Variants in DEGS2 observed in about 807,000 individuals in gnomAD.
The protein encoded by DEGS2 is delta 4-desaturase, sphingolipid 2.
Under a neutral mutation model 23.8 loss-of-function variants are expected in DEGS2, and 19 were observed. The ratio of observed to expected loss-of-function variants is 0.80; its 90% CI spans 0.56 to 1.17. The LOEUF is 1.17. DEGS2 is among the 50% of genes most tolerant of loss of function. The probability of loss-of-function intolerance (pLI) is 0.00; values close to 1 mark genes in which losing one functional copy is unlikely to be tolerated. For synonymous variants in DEGS2, 218 were observed against 213.7 expected, an observed-to-expected ratio of 1.02 and a Z score of -0.18; for missense variants, 390 against 459.5, an observed-to-expected ratio of 0.85 and a Z score of 1.38.
At chr14:100,147,018 TACGA>T (rs763160254) in intron 2 of DEGS2, 111 bp from the exon 3 acceptor site, 3 of 1,325,788 alleles carry the variant, frequency 2.3e-6, no homozygotes, top group Non-Finnish European at 3.1e-6. Context: ...CATATTCATG[TACGA>T]ACATGTTTGC....
chr14:100,152,277 TGGAGATGCCAG>T (rs1889584810), intron 1 of DEGS2, among the ~76,000 whole-genome samples: 1 of 148,972 alleles, frequency 6.7e-6, no homozygotes, highest in South Asian at 2.1e-4. Context: ...GTGGGCGTCA[TGGAGATGCCAG>T]GGTGGGCGTC....
At chr14:100,158,918 T>A (rs1160903652) in intron 1 of DEGS2, among the ~76,000 whole-genome samples, 1 of 152,240 alleles carries the variant, frequency 6.6e-6, no homozygotes, top group Non-Finnish European at 1.5e-5. Flanking sequence ...AGCCACCACG[T>A]AATAAGCGAC....
intron 1 of DEGS2, among the ~76,000 whole-genome samples, chr14:100,151,838 G>A (rs1240961860): frequency 1.3e-5 from 2 of 152,246 alleles, no homozygotes; most frequent in Non-Finnish European, 2.9e-5. Flanking sequence ...TCCTTGACAG[G>A]AGAAAACAAC....
At position 100,159,491 on chromosome 14, in the gene DEGS2, C is replaced by A; in HGVS notation, c.82+15G>T. ...GGGGCGGTCCCCACCGGGGTGGGCC[C>A]CGCGCGGCGCTCACCCAGTATCTCC... On this transcript the variant is annotated intron_variant, in intron 1 of 2. Coordinates refer to ENST00000305631, the MANE Select transcript of DEGS2 (RefSeq NM_206918.3). The A allele has an allele frequency of 6.7e-7, 1 of 1,484,582 alleles. No individual in the cohort carries two copies. The highest frequency in any genetic ancestry group is 8.9e-7 in the Non-Finnish European group (1 of 1,118,870). 92.0% of individuals were successfully genotyped at this position (1,484,582 alleles called of 1,614,324 possible). A position where few individuals can be genotyped will look rare whatever the true frequency, so the allele number is the denominator to read the frequency against.
the DEGS2 span, among the ~76,000 whole-genome samples, chr14:100,165,665 C>G: frequency 6.6e-6 from 1 of 152,142 alleles, no homozygotes; most frequent in Non-Finnish European, 1.5e-5. Context: ...GGACCTGGGT[C>G]CTCTGAGCTC....
chr14:100,164,412 G>A (rs1049968183), upstream of DEGS2, among the ~76,000 whole-genome samples: 4 of 151,790 alleles, frequency 2.6e-5, no homozygotes, highest in Admixed American at 6.6e-5. Context: ...GAGGCGGGTG[G>A]ATTGCTTGAG....
Position 100,149,538 on chromosome 14 carries a change from C to T in DEGS2, c.255G>A (p.Thr85=), listed in dbSNP as rs371071651. 31 of 1,604,716 alleles carry T rather than the reference C, an allele frequency of 1.9e-5. No homozygotes were observed. Among genetic ancestry groups the T allele is most frequent in the South Asian group, 5.5e-5 (5 of 90,358 alleles). ...TGTGCGAGATGTCGTGGATGGCCAGCGTCAGCGAGTGGTTCACGCAGCCAC... is the reference window on the plus strand; with the variant it reads ...TGTGCGAGATGTCGTGGATGGCCAGTGTCAGCGAGTGGTTCACGCAGCCAC... The part of the protein sequence containing the change: ...AFGGCVNHSL[T]LAIHDISHNA... The change falls in exon 2 of 3, where the codon ACG becomes ACA. Residue 85 remains threonine, a synonymous_variant. Transcript: ENST00000305631.
chr14:100,163,494 G>A (rs748598703), upstream of DEGS2, among the ~76,000 whole-genome samples: 7 of 152,154 alleles, frequency 4.6e-5, no homozygotes, highest in Middle Eastern at 3.4e-3. Flanking sequence ...CTATTGAAAC[G>A]GAGCCCGTGG....
At chr14:100,165,423 T>C in the DEGS2 span, among the ~76,000 whole-genome samples, 1 of 152,386 alleles carries the variant, frequency 6.6e-6, no homozygotes, top group African/African-American at 2.4e-5. Flanking sequence ...GCGCAGCCCC[T>C]GCTCTTGAGA....
chr14:100,164,717 C>T, the DEGS2 span, among the ~76,000 whole-genome samples: 3 of 152,174 alleles, frequency 2.0e-5, no homozygotes, highest in South Asian at 2.1e-4. Context: ...AGTCTTCAGA[C>T]CGAAAGGCTT....
chr14:100,163,080 G>A (rs1014943172), upstream of DEGS2, among the ~76,000 whole-genome samples: 2 of 152,238 alleles, frequency 1.3e-5, no homozygotes, highest in Admixed American at 1.3e-4. Flanking sequence ...AAGCAGACTC[G>A]ATGGAGGAGT....
At chr14:100,166,450 G>A in the DEGS2 span, among the ~76,000 whole-genome samples, 1 of 151,856 alleles carries the variant, frequency 6.6e-6, no homozygotes, top group Non-Finnish European at 1.5e-5. Flanking sequence ...TGGGCAGGAG[G>A]CGCCCTACCC....
Position 100,146,476 on chromosome 14 carries a change from G to A in DEGS2, c.*285C>T, listed in dbSNP as rs934488423. 16 of 419,090 alleles carry A rather than the reference G, an allele frequency of 3.8e-5. No individual in the cohort carries two copies. Among genetic ancestry groups the A allele is most frequent in the Admixed American group, 1.7e-4 (4 of 23,440 alleles). The allele number at this position is 419,090 out of a possible 1,614,324, so 26.0% of individuals were successfully genotyped here. The stretch of plus-strand genomic sequence containing the variant: ...CAGGCACCCCGGAGAAGTCAGCTCC[G>A]TGGGAACCGTGGGCTCAGAGCACCC... On this transcript the variant is annotated 3_prime_UTR_variant, in exon 3 of 3. Transcript: ENST00000305631.
chr14:100,148,826 G>A, intron 2 of DEGS2, 142 bp downstream of exon 2: 3 of 981,404 alleles, frequency 3.1e-6, no homozygotes, highest in Non-Finnish European at 4.4e-6. Flanking sequence ...CTGCCCTGGG[G>A]ACAAGTGCAA....
chr14:100,153,760 G>T (rs993703250), intron 1 of DEGS2, among the ~76,000 whole-genome samples: 2 of 151,390 alleles, frequency 1.3e-5, no homozygotes, highest in African/African-American at 2.5e-5. Flanking sequence ...CTGGAACCAA[G>T]ATACACAGAC....
intron 1 of DEGS2, among the ~76,000 whole-genome samples, chr14:100,150,385 A>AACCCCCCCCCCCCC (rs1889548936): frequency 1.3e-5 from 1 of 76,558 alleles, no homozygotes; most frequent in African/African-American, 4.8e-5. Flanking sequence ...TCCCACCCCA[A>AACCCCCCCCCCCCC]CACCCCCCCC....
Position 100,149,061 on chromosome 14 carries a change from G to A in DEGS2, c.732C>T (p.Ser244=), listed in dbSNP as rs1343949546. 2 of 1,612,962 alleles carry A rather than the reference G, an allele frequency of 1.2e-6. No individual in the cohort carries two copies. Among genetic ancestry groups the A allele is most frequent in the Non-Finnish European group, 1.7e-6 (2 of 1,180,002 alleles). The change falls in exon 2 of 3, where the codon TCC becomes TCT. Residue 244 remains serine, a synonymous_variant. Coordinates refer to ENST00000305631, the MANE Select transcript of DEGS2 (RefSeq NM_206918.3). Reference sequence around the variant, plus strand: ...TGATCCAGTTGAGAGGCCCATAGTAGGAGTAGGTCTCGTGGCCCTTGAGGA... The same window carrying A: ...TGATCCAGTTGAGAGGCCCATAGTAAGAGTAGGTCTCGTGGCCCTTGAGGA... The part of the protein sequence containing the change: ...YMFLKGHETY[S]YYGPLNWITF...
At chr14:100,148,840 G>T in intron 2 of DEGS2, 128 bp downstream of exon 2, 1 of 1,108,622 alleles carries the variant, frequency 9.0e-7, no homozygotes. Flanking sequence ...AGTGCAAGTG[G>T]CCATGCCATG....
chr14:100,146,785 G>A lies in DEGS2; in HGVS notation c.948C>T (p.Tyr316=), dbSNP rs773597577. The change falls in exon 3 of 3, where the codon TAC becomes TAT. Residue 316 remains tyrosine (Y), a synonymous_variant. Transcript: ENST00000305631. ...LGPYARVKRV[Y]RLAKDGL The stretch of plus-strand genomic sequence containing the variant: ...CTCACAGACCATCTTTTGCCAGCCT[G>A]TACACCCGCTTCACCCTGGCATAGG... 44 of 1,613,600 alleles carry A rather than the reference G, an allele frequency of 2.7e-5. No homozygotes were observed. The highest frequency in any genetic ancestry group is 1.7e-6 in the Non-Finnish European group (2 of 1,179,868).
Sources: gnomAD v4.1 joint callset for allele counts (sites outside exome capture counted in the v4.1 genomes callset) on GRCh38, gnomAD v4.1.1 for gene constraint, MANE v1.5 for transcripts, NCBI Gene and HGNC (gene_info 2026-07-23, HGNC 2026-07-21) for gene names.